Variants in PRKD3 observed in about 807,000 individuals in gnomAD.
PRKD3 encodes the protein serine/threonine-protein kinase D3.
Under a neutral mutation model 99.2 loss-of-function variants are expected in PRKD3, and 47 were observed. That is an observed-to-expected ratio of 0.47 (90% CI 0.38 to 0.60). The LOEUF (loss-of-function observed/expected upper bound fraction) is 0.60. PRKD3 is among the 20% of genes least tolerant of loss of function. The pLI is 0.00. For synonymous variants in PRKD3, 392 were observed against 355.4 expected (o/e 1.10, Z -1.16); for missense variants, 1,019 against 1,088.4 (o/e 0.94, Z 0.90).
Position 37,253,295 on chromosome 2 carries a change from T to C in PRKD3, c.2555A>G (p.Tyr852Cys). Residue 852 changes from tyrosine to cysteine, a missense_variant, in exon 19 of 19, where the codon TAC (tyrosine) becomes TGC (cysteine). Tyr to Cys is a radical substitution (Grantham distance 194, BLOSUM62 -2). Around this residue, in one of 3 missense-constraint regions of PRKD3, gnomAD observed 125 missense variants for 120.6 expected, o/e 1.04. Coordinates refer to ENST00000234179, the MANE Select transcript of PRKD3 (RefSeq NM_005813.6). ...REFETRIGER[Y>C]ITHESDDARW... is the part of the protein sequence containing the mutation. ...AGCATCATCACTTTCATGTGTAATG[T>C]AACGTTCTCCAATGCGAGTTTCAAA... 1 of 1,613,250 alleles carries C rather than the reference T, an allele frequency of 6.2e-7. No homozygotes were observed.
chr2:37,270,126 C>T (rs1669130563), intron 12 of PRKD3, among the ~76,000 whole-genome samples: 1 of 151,874 alleles, frequency 6.6e-6, no homozygotes. Context: ...ACTCGGGAGG[C>T]TGAGGCAGGA....
At chr2:37,300,979 T>G (rs1179814620) in intron 2 of PRKD3, among the ~76,000 whole-genome samples, 1 of 151,516 alleles carries the variant, frequency 6.6e-6, no homozygotes, top group African/African-American at 2.4e-5. Context: ...CTTGTTGACT[T>G]TAGATGAAAA....
At position 37,251,781 on chromosome 2, in the gene PRKD3, G is replaced by A. The variant is rs972585184; in HGVS notation, c.*1396C>T. 6.6e-6 allele frequency: 1 copy of A among 151,894 alleles called. No homozygotes were observed. The highest frequency in any genetic ancestry group is 2.1e-4 in the South Asian group (1 of 4,818). The allele number at this position is 151,894 out of a possible 1,614,324, so 9.4% of individuals were successfully genotyped here. A position where few individuals can be genotyped will look rare whatever the true frequency, so the allele number is the denominator to read the frequency against. On this transcript the variant is annotated 3_prime_UTR_variant, in exon 19 of 19. Transcript: ENST00000234179. Reference sequence around the variant, plus strand: ...TCATTTTACAGACTGAGGAACTGCCGACAGACCTGCCATCTGTCCAGGCCA... The same window carrying A: ...TCATTTTACAGACTGAGGAACTGCCAACAGACCTGCCATCTGTCCAGGCCA...
At chr2:37,282,472 C>T (rs1669897271) in intron 7 of PRKD3, 70 bp downstream of exon 7, 7 of 998,160 alleles carry the variant, frequency 7.0e-6, no homozygotes, top group Middle Eastern at 2.1e-4. Flanking sequence ...AGAACCTTAT[C>T]CAAAGATAAT....
intron 6 of PRKD3, among the ~76,000 whole-genome samples, chr2:37,282,949 C>T (rs1669921138): frequency 6.6e-6 from 1 of 152,182 alleles, no homozygotes; most frequent in African/African-American, 2.4e-5. Flanking sequence ...CAGATACATA[C>T]TTTCAATTCC....
intron 6 of PRKD3, among the ~76,000 whole-genome samples, chr2:37,283,122 C>G (rs973391961): frequency 7.2e-5 from 11 of 152,232 alleles, no homozygotes; most frequent in African/African-American, 2.4e-4. Flanking sequence ...CAGCCTAAAA[C>G]AAACCTCAGA....
At chr2:37,292,403 T>C (rs532123016) in intron 3 of PRKD3, among the ~76,000 whole-genome samples, 3 of 151,732 alleles carry the variant, frequency 2.0e-5, no homozygotes, top group African/African-American at 7.2e-5. Flanking sequence ...TGGAGTGCAG[T>C]GGTGCGATCT....
At chr2:37,322,093 C>T (rs1013134752) in intron 1 of PRKD3, among the ~76,000 whole-genome samples, 2 of 152,106 alleles carry the variant, frequency 1.3e-5, no homozygotes, top group Admixed American at 6.6e-5. Context: ...GTTGTGTCCA[C>T]GCCTCTTGAC....
chr2:37,271,502 A>G (rs1027580574), intron 12 of PRKD3, among the ~76,000 whole-genome samples: 6 of 152,180 alleles, frequency 3.9e-5, no homozygotes, highest in Middle Eastern at 3.2e-3. Flanking sequence ...ATGGTCCACA[A>G]CAGGGGTCCC....
chr2:37,280,990 T>A (rs1243690488), intron 7 of PRKD3, among the ~76,000 whole-genome samples: 1 of 152,134 alleles, frequency 6.6e-6, no homozygotes, highest in Non-Finnish European at 1.5e-5. Context: ...AAATGGCGAA[T>A]GAACACATGA....
chr2:37,268,395 T>C, intron 13 of PRKD3: 1 of 469,554 alleles, frequency 2.1e-6, no homozygotes, highest in Non-Finnish European at 4.4e-6. Context: ...ACCATAGATA[T>C]TATATATGCA....
chr2:37,313,048 T>C (rs1276843645), intron 2 of PRKD3, among the ~76,000 whole-genome samples: 1 of 152,176 alleles, frequency 6.6e-6, no homozygotes, highest in Non-Finnish European at 1.5e-5. Flanking sequence ...CATTATAAAG[T>C]GCTATGATAT....
At chr2:37,261,068 A>G (rs1265022400) in intron 14 of PRKD3, among the ~76,000 whole-genome samples, 3 of 152,240 alleles carry the variant, frequency 2.0e-5, no homozygotes, top group Non-Finnish European at 4.4e-5. Context: ...TTATTTCTGG[A>G]CATAAATCTA....
At chr2:37,308,081 G>C (rs1308880804) in intron 2 of PRKD3, among the ~76,000 whole-genome samples, 1 of 152,066 alleles carries the variant, frequency 6.6e-6, no homozygotes, top group Non-Finnish European at 1.5e-5. Context: ...ACATCTTCCT[G>C]CACGCTTGTT....
intron 8 of PRKD3, chr2:37,278,595 A>G (rs1036625590): frequency 6.6e-6 from 1 of 152,288 alleles, no homozygotes; most frequent in Admixed American, 6.5e-5. Flanking sequence ...GTGAACCTCA[A>G]ACAGTTAAAT....
At chr2:37,254,495 T>C (rs1038989951) in intron 17 of PRKD3, among the ~76,000 whole-genome samples, 2 of 152,216 alleles carry the variant, frequency 1.3e-5, no homozygotes, top group Non-Finnish European at 1.5e-5. Context: ...ATTGCCTTTA[T>C]AAGGCAGTAT....
intron 16 of PRKD3, among the ~76,000 whole-genome samples, chr2:37,259,362 A>G (rs775586243): frequency 1.3e-5 from 2 of 152,244 alleles, no homozygotes; most frequent in Non-Finnish European, 2.9e-5. Context: ...TGCAGAATCT[A>G]TGTGCAGTTA....
rs1234228683 is a variant in PRKD3 at position 37,251,666 on chromosome 2, T to G, written c.*1511A>C. 3.9e-5 allele frequency: 6 copies of G among 152,070 alleles called. No homozygotes were observed. The highest frequency in any genetic ancestry group is 1.5e-4 in the African/African-American group (6 of 41,372). The allele number at this position is 152,070 out of a possible 1,614,324, so 9.4% of individuals were successfully genotyped here. A position where few individuals can be genotyped will look rare whatever the true frequency, so the allele number is the denominator to read the frequency against. On this transcript the variant is annotated 3_prime_UTR_variant, in exon 19 of 19. Coordinates refer to ENST00000234179, the MANE Select transcript of PRKD3 (RefSeq NM_005813.6). ...TCGGTGGGCAACGATAGTTAACACT[T>G]TCCTAGTTTTTAGTTTATTTGACTG...
In PRKD3 at chr2:37,315,096, CAG is replaced by C. The variant is rs1322770981; in HGVS notation, c.288+1139_288+1140del. On this transcript the variant is annotated intron_variant, in intron 2 of 18. Coordinates refer to ENST00000234179, the MANE Select transcript of PRKD3 (RefSeq NM_005813.6). The stretch of plus-strand genomic sequence containing the variant: ...CAGTAAGATGAAGAGCATGAATTCC[CAG>C]AGAGAGATGATTTTTGCAAATAGAA... Among the ~76,000 whole-genome samples, 7 of 152,188 alleles carry C rather than the reference CAG, an allele frequency of 4.6e-5. No individual in the cohort carries two copies. The East Asian group carries it at 9.6e-4, about 21-fold the overall frequency.
Sources: allele counts gnomAD v4.1 joint callset (sites outside exome capture counted in the v4.1 genomes callset), GRCh38; gene constraint gnomAD v4.1.1; regional missense constraint gnomAD v4.1.1; transcripts MANE v1.5; gene names NCBI Gene and HGNC (gene_info 2026-07-23, HGNC 2026-07-21).